MED13L: variants seen among roughly 807,000 people sequenced by gnomAD.
MED13L encodes mediator of RNA polymerase II transcription subunit 13-like.
In MED13L, 7 loss-of-function variants were observed where a neutral mutation model predicts 220.9. The observed-to-expected ratio is 0.03, with a 90% confidence interval of 0.02 to 0.06. The LOEUF (loss-of-function observed/expected upper bound fraction) is 0.06. Among genes scored for constraint, MED13L ranks in the 10% least tolerant of loss-of-function variants. MED13L has a pLI of 1.00. For missense variants in MED13L, 1,965 were observed against 2,760.5 expected, an observed-to-expected ratio of 0.71 and a Z score of 6.46; for synonymous variants, 1,011 against 1,015.2, an observed-to-expected ratio of 1.00 and a Z score of 0.08.
rs561877026 is a variant in MED13L at position 116,254,966 on chromosome 12, T to C, written c.73-17261A>G. On this transcript the variant is annotated intron_variant, in intron 1 of 30. Transcript: ENST00000281928. ...AGATTTAAAATCGTTAAAATGTCAA[T>C]TTTCCCAATTTGATCTACAGATTCA... Among the ~76,000 whole-genome samples the C allele has an allele frequency of 4.6e-5, 7 of 152,284 alleles. 1 individual carries two copies. The highest frequency in any genetic ancestry group is 1.7e-4 in the African/African-American group (7 of 41,558).
chr12:116,038,888 G>A (rs573502368), intron 4 of MED13L, among the ~76,000 whole-genome samples: 8 of 148,948 alleles, frequency 5.4e-5, no homozygotes, highest in South Asian at 2.1e-4. Flanking sequence ...TCCTCTATCC[G>A]TATTTCCTCA....
At chr12:116,198,949 C>G (rs1881828793) in intron 2 of MED13L, among the ~76,000 whole-genome samples, 1 of 152,176 alleles carries the variant, frequency 6.6e-6, no homozygotes, top group Admixed American at 6.6e-5. Context: ...ATGTCTCCTG[C>G]TGCCTCTCTT....
At chr12:116,273,081 G>A (rs1873515444) in intron 1 of MED13L, among the ~76,000 whole-genome samples, 1 of 152,124 alleles carries the variant, frequency 6.6e-6, no homozygotes, top group Non-Finnish European at 1.5e-5. Flanking sequence ...GAGGCAGGTG[G>A]ATCACCTGAG....
In MED13L at chr12:116,237,479, T is replaced by C. The variant is rs777820829; in HGVS notation, c.299A>G (p.His100Arg). 6.2e-7 allele frequency: 1 copy of C among 1,610,356 alleles called. No individual in the cohort carries two copies. The highest frequency in any genetic ancestry group is 1.1e-5 in the South Asian group (1 of 91,022). ...DEPNLVGVIH[H>R]ELQVVEEGLW... Reference sequence around the variant, plus strand: ...AACAGAAACCTTACCCTGCAGTTCATGATGTATTACACCCACTAGGTTGGG... The same window carrying C: ...AACAGAAACCTTACCCTGCAGTTCACGATGTATTACACCCACTAGGTTGGG... The change falls in exon 2 of 31, where the codon CAT becomes CGT. Residue 100 changes from histidine (H) to arginine (R), a missense_variant. His to Arg is a conservative substitution (Grantham distance 29, BLOSUM62 0). Transcript: ENST00000281928.
chr12:116,194,114 T>C (rs1881460250), intron 2 of MED13L, among the ~76,000 whole-genome samples: 1 of 152,122 alleles, frequency 6.6e-6, no homozygotes, highest in Non-Finnish European at 1.5e-5. Flanking sequence ...GACGGAAGGG[T>C]ATTTAAAAAA....
intron 4 of MED13L, among the ~76,000 whole-genome samples, chr12:116,040,140 G>C (rs1431375988): frequency 1.3e-5 from 2 of 152,168 alleles, no homozygotes; most frequent in Non-Finnish European, 2.9e-5. Context: ...GAAAATTGTG[G>C]TGTTTTTTTC....
chr12:116,040,785 TAG>T (rs1254441031), intron 4 of MED13L, among the ~76,000 whole-genome samples: 4 of 148,130 alleles, frequency 2.7e-5, no homozygotes, highest in Non-Finnish European at 5.9e-5. Flanking sequence ...TGTATATGTT[TAG>T]GAGTCCTCAA....
intron 3 of MED13L, among the ~76,000 whole-genome samples, chr12:116,099,974 G>A (rs897843066): frequency 6.6e-6 from 1 of 152,164 alleles, no homozygotes; most frequent in African/African-American, 2.4e-5. Context: ...AAATAACTTA[G>A]ATGATTTTTC....
At chr12:116,083,084 A>C (rs1004787218) in intron 4 of MED13L, among the ~76,000 whole-genome samples, 1 of 152,204 alleles carries the variant, frequency 6.6e-6, no homozygotes, top group Admixed American at 6.5e-5. Context: ...CTAGTCATTC[A>C]TTCAGTCATT....
intron 13 of MED13L, among the ~76,000 whole-genome samples, chr12:116,003,497 C>CT (rs35808476): frequency 0.022 from 3,080 of 141,290 alleles, 56 homozygotes; most frequent in African/African-American, 0.044. Context: ...CCCTCCAATT[C>CT]TTTTTTTTTT....
intron 4 of MED13L, among the ~76,000 whole-genome samples, chr12:116,084,666 TC>T (rs1389968282): frequency 1.3e-5 from 2 of 151,748 alleles, no homozygotes; most frequent in African/African-American, 4.8e-5. Context: ...GCACCTGTAA[TC>T]CCAGCTACTC....
chr12:116,189,807 T>C (rs1881147301), intron 2 of MED13L, among the ~76,000 whole-genome samples: 1 of 152,200 alleles, frequency 6.6e-6, no homozygotes, highest in Non-Finnish European at 1.5e-5. Context: ...TATAAATGGT[T>C]CTGTATTTTT....
At chr12:116,215,256 ATTCT>A (rs1445455238) in intron 2 of MED13L, among the ~76,000 whole-genome samples, 1 of 152,196 alleles carries the variant, frequency 6.6e-6, no homozygotes, top group Non-Finnish European at 1.5e-5. Context: ...CTAAGTGAAC[ATTCT>A]TTGTTTCCTT....
chr12:116,081,936 G>A (rs536159103), intron 4 of MED13L, among the ~76,000 whole-genome samples: 2 of 152,246 alleles, frequency 1.3e-5, no homozygotes, highest in Admixed American at 6.5e-5. Flanking sequence ...TTAAATGTTT[G>A]GGATGATCTA....
intron 2 of MED13L, among the ~76,000 whole-genome samples, chr12:116,132,106 C>G (rs887438455): frequency 1.8e-4 from 27 of 151,958 alleles, no homozygotes; most frequent in South Asian, 4.1e-4. Flanking sequence ...CTGTGAAACC[C>G]CGTCTCTACA....
chr12:116,143,783 G>T (rs1486735715), intron 2 of MED13L, among the ~76,000 whole-genome samples: 1 of 152,138 alleles, frequency 6.6e-6, no homozygotes, highest in Non-Finnish European at 1.5e-5. Context: ...CTCTAGAGAA[G>T]GATGGACCTC....
chr12:116,071,762 C>G (rs1565862543), intron 4 of MED13L, among the ~76,000 whole-genome samples: 1 of 152,180 alleles, frequency 6.6e-6, no homozygotes, highest in Non-Finnish European at 1.5e-5. Flanking sequence ...TGCACCGTAA[C>G]TGATTAGCAT....
rs369533618 is a variant in MED13L at position 116,057,272 on chromosome 12, G to T, written c.480-34671C>A. ...GAAACTGCAATTAATAATCCTCCTG[G>T]AACAGCAGAAGCACATTCCACATGA... On this transcript the variant is annotated intron_variant, in intron 4 of 30. Coordinates refer to ENST00000281928, the MANE Select transcript of MED13L (RefSeq NM_015335.5). Among the ~76,000 whole-genome samples, 35 of 152,188 alleles carry T rather than the reference G, an allele frequency of 2.3e-4. No homozygotes were observed. In the East Asian group the frequency reaches 2.5e-3, roughly 11 times the overall value.
intron 2 of MED13L, among the ~76,000 whole-genome samples, chr12:116,196,161 T>A (rs964094571): frequency 2.6e-5 from 4 of 152,134 alleles, no homozygotes; most frequent in African/African-American, 9.6e-5. Context: ...CAAAGAAAAT[T>A]ATAACCTAAT....
Sources: allele counts gnomAD v4.1 joint callset (sites outside exome capture counted in the v4.1 genomes callset), GRCh38; gene constraint gnomAD v4.1.1; transcripts MANE v1.5; gene names NCBI Gene and HGNC (gene_info 2026-07-23, HGNC 2026-07-21).